The following VRK2 variants were observed in gnomAD, a reference collection of about 807,000 sequenced individuals.
The protein encoded by VRK2 is serine/threonine-protein kinase VRK2.
Under a neutral mutation model 57.6 loss-of-function variants are expected in VRK2, and 60 were observed. The ratio of observed to expected loss-of-function variants is 1.04; its 90% CI spans 0.85 to 1.29. The LOEUF is 1.29. VRK2 is among the 50% of genes most tolerant of loss of function. The probability of loss-of-function intolerance (pLI) is 0.00; values close to 1 mark genes in which losing one functional copy is unlikely to be tolerated. For missense variants in VRK2, 705 were observed against 588.1 expected (o/e 1.20, Z -2.06); for synonymous variants, 231 against 199.2 (o/e 1.16, Z -1.35).
intron 1 of VRK2, among the ~76,000 whole-genome samples, chr2:57,977,272 G>C (rs1382958536): frequency 6.6e-6 from 1 of 152,098 alleles, no homozygotes; most frequent in Non-Finnish European, 1.5e-5. Context: ...TTGGCAGTTT[G>C]ATAGGAATAG....
Position 58,089,697 on chromosome 2 carries a change from CTTT to C in VRK2, c.519_521del (p.Leu174del). 1 of 1,609,046 alleles carries C rather than the reference CTTT, an allele frequency of 6.2e-7. No homozygotes were observed. Among genetic ancestry groups the C allele is most frequent in the South Asian group, 1.1e-5 (1 of 90,584 alleles). On this transcript the variant is annotated inframe_deletion, in exon 7 of 13. Coordinates refer to ENST00000340157, the MANE Select transcript of VRK2 (RefSeq NM_006296.7). Reference sequence around the variant, plus strand: ...TGGTGATATAAAAGCAGCAAATCTACTTTTGGGTTACAAAAATCCAGACCAGGT... The same window carrying C: ...TGGTGATATAAAAGCAGCAAATCTACTGGGTTACAAAAATCCAGACCAGGT...
intron 1 of VRK2, among the ~76,000 whole-genome samples, chr2:57,911,118 C>T (rs891438835): frequency 4.0e-5 from 6 of 151,476 alleles, no homozygotes; most frequent in Admixed American, 2.0e-4. Flanking sequence ...GTTTCCTCAT[C>T]GGCAAAATAT....
At chr2:58,009,115 T>A (rs1228329917) in intron 1 of VRK2, among the ~76,000 whole-genome samples, 2 of 152,168 alleles carry the variant, frequency 1.3e-5, no homozygotes, top group Non-Finnish European at 2.9e-5. Flanking sequence ...CATTGGCAAC[T>A]CCTGAATTTT....
intron 3 of VRK2, among the ~76,000 whole-genome samples, 172 bp from the exon 4 acceptor site, chr2:58,084,709 A>G (rs2104158565): frequency 6.6e-6 from 1 of 151,996 alleles, no homozygotes; most frequent in East Asian, 1.9e-4. Flanking sequence ...CTTCAAGTTT[A>G]TTTAGTGTTT....
At chr2:57,979,605 CCCAG>C (rs1233999375) in intron 1 of VRK2, among the ~76,000 whole-genome samples, 1 of 144,836 alleles carries the variant, frequency 6.9e-6, no homozygotes, top group Admixed American at 6.7e-5. Flanking sequence ...ATAATTTAAC[CCCAG>C]CACTAGCACC....
chr2:58,019,227 G>A (rs1673674037), intron 1 of VRK2, among the ~76,000 whole-genome samples: 1 of 152,128 alleles, frequency 6.6e-6, no homozygotes, highest in Admixed American at 6.6e-5. Context: ...TTTTTACGTT[G>A]CTATCACAAA....
intron 1 of VRK2, among the ~76,000 whole-genome samples, chr2:57,964,602 G>A (rs1671856112): frequency 6.6e-6 from 1 of 152,112 alleles, no homozygotes; most frequent in Non-Finnish European, 1.5e-5. Context: ...TGTCACTATA[G>A]GCCAGGCGCG....
At chr2:58,137,755 C>T (rs1000735327) in intron 10 of VRK2, among the ~76,000 whole-genome samples, 1 of 152,170 alleles carries the variant, frequency 6.6e-6, no homozygotes, top group Non-Finnish European at 1.5e-5. Flanking sequence ...ATACTTAATA[C>T]TTCACTGGCT....
intron 8 of VRK2, among the ~76,000 whole-genome samples, chr2:58,123,504 T>C (rs1387004006): frequency 6.6e-6 from 1 of 152,172 alleles, no homozygotes; most frequent in African/African-American, 2.4e-5. Context: ...CCACAGTTTG[T>C]ATAGGTAAAA....
At chr2:58,144,441 T>C (rs981423788) in intron 11 of VRK2, among the ~76,000 whole-genome samples, 2 of 152,066 alleles carry the variant, frequency 1.3e-5, no homozygotes, top group African/African-American at 4.8e-5. Context: ...TGTTAATAAC[T>C]TGATTGTTGT....
At chr2:58,123,038 A>G (rs1215109280) in intron 7 of VRK2, 63 bp from the exon 8 acceptor site, 1 of 1,535,568 alleles carries the variant, frequency 6.5e-7, no homozygotes, top group African/African-American at 1.4e-5. Context: ...TTAAGACTTA[A>G]TTATAAAGGT....
intron 1 of VRK2, among the ~76,000 whole-genome samples, chr2:57,977,284 A>G (rs372419614): frequency 3.9e-5 from 6 of 152,290 alleles, no homozygotes; most frequent in Admixed American, 6.5e-5. Context: ...TAGGAATAGT[A>G]TTAAATCTAT....
At chr2:58,148,282 G>C (rs1404530185) in intron 12 of VRK2, among the ~76,000 whole-genome samples, 1 of 151,762 alleles carries the variant, frequency 6.6e-6, no homozygotes, top group Non-Finnish European at 1.5e-5. Context: ...GTCTAATTAA[G>C]TTTGAGCACT....
intron 1 of VRK2, among the ~76,000 whole-genome samples, chr2:57,930,104 TG>T: frequency 6.6e-6 from 1 of 152,004 alleles, no homozygotes; most frequent in Admixed American, 6.6e-5. Flanking sequence ...GTAGATCTCC[TG>T]GCCCCAAGCC....
At chr2:58,013,203 G>A (rs140483829) in intron 1 of VRK2, among the ~76,000 whole-genome samples, 14 of 152,228 alleles carry the variant, frequency 9.2e-5, no homozygotes, top group Admixed American at 3.3e-4. Context: ...TAGGTATAGC[G>A]TAAAAAGATC....
intron 2 of VRK2, among the ~76,000 whole-genome samples, chr2:58,029,040 G>C (rs1334956635): frequency 6.7e-6 from 1 of 148,884 alleles, no homozygotes; most frequent in Non-Finnish European, 1.5e-5. Context: ...TTAACAATTT[G>C]ATCTCTCTAG....
intron 7 of VRK2, among the ~76,000 whole-genome samples, chr2:58,091,747 A>G (rs1185396391): frequency 6.6e-6 from 1 of 152,164 alleles, no homozygotes; most frequent in Non-Finnish European, 1.5e-5. Context: ...ATGATCGAAA[A>G]GAATGAATAA....
At chr2:58,113,194 A>G (rs1415692319) in intron 7 of VRK2, among the ~76,000 whole-genome samples, 7 of 151,924 alleles carry the variant, frequency 4.6e-5, no homozygotes, top group Admixed American at 3.9e-4. Context: ...CTGTAATCCC[A>G]GCTACTCAGG....
chr2:57,922,280 G>A (rs1670374097), intron 1 of VRK2, among the ~76,000 whole-genome samples: 1 of 151,912 alleles, frequency 6.6e-6, no homozygotes, highest in African/African-American at 2.4e-5. Context: ...TATATATACA[G>A]AAGACCAATA....
Sources: allele counts gnomAD v4.1 joint callset (sites outside exome capture counted in the v4.1 genomes callset), GRCh38; gene constraint gnomAD v4.1.1; transcripts MANE v1.5; gene names NCBI Gene and HGNC (gene_info 2026-07-23, HGNC 2026-07-21).